CNTN4: variants seen among roughly 807,000 people sequenced by gnomAD.
CNTN4 encodes contactin-4.
CNTN4 carries 77 observed loss-of-function variants against 122.5 expected under a neutral mutation model. The observed-to-expected ratio is 0.63, with a 90% CI of 0.52 to 0.76. The LOEUF (loss-of-function observed/expected upper bound fraction) is 0.76. Ranked by LOEUF, CNTN4 falls within the 30% of genes least tolerant of loss-of-function variation. The pLI, the probability that CNTN4 is intolerant of heterozygous loss-of-function variation, is 0.00. For synonymous variants in CNTN4, 512 were observed against 447.0 expected, an observed-to-expected ratio of 1.15 and a Z score of -1.83; for missense variants, 1,256 against 1,259.1, an observed-to-expected ratio of 1.00 and a Z score of 0.04.
At chr3:2,302,830 T>C (rs1303338030) in intron 2 of CNTN4, among the ~76,000 whole-genome samples, 1 of 151,724 alleles carries the variant, frequency 6.6e-6, no homozygotes, top group Non-Finnish European at 1.5e-5. Flanking sequence ...TTATGTTTTA[T>C]TTGTACCTAG....
intron 3 of CNTN4, among the ~76,000 whole-genome samples, chr3:2,499,629 T>C (rs556340871): frequency 1.3e-5 from 2 of 152,264 alleles, no homozygotes; most frequent in South Asian, 4.1e-4. Flanking sequence ...ACTGTCATGA[T>C]TAAGGTAGCT....
At chr3:2,424,567 T>C (rs942307419) in intron 3 of CNTN4, among the ~76,000 whole-genome samples, 2 of 152,200 alleles carry the variant, frequency 1.3e-5, no homozygotes, top group Non-Finnish European at 2.9e-5. Flanking sequence ...TTATAATCCT[T>C]TGGGTATATA....
chr3:2,312,770 C>T (rs977503958), intron 2 of CNTN4, among the ~76,000 whole-genome samples: 1 of 151,904 alleles, frequency 6.6e-6, no homozygotes, highest in Non-Finnish European at 1.5e-5. Flanking sequence ...GTTGATTGAC[C>T]TAAGATGGGT....
At chr3:2,429,750 T>A (rs1324438242) in intron 3 of CNTN4, among the ~76,000 whole-genome samples, 1 of 152,196 alleles carries the variant, frequency 6.6e-6, no homozygotes. Flanking sequence ...GCTTCCTTGC[T>A]GCTTTGTTTA....
chr3:2,302,857 G>A (rs1200681880), intron 2 of CNTN4, among the ~76,000 whole-genome samples: 9 of 132,478 alleles, frequency 6.8e-5, no homozygotes, highest in Non-Finnish European at 1.1e-4. Context: ...CAAGCACACT[G>A]TATGTGCTTC....
chr3:2,962,392 A>G (rs2125014509), intron 13 of CNTN4, among the ~76,000 whole-genome samples: 1 of 152,368 alleles, frequency 6.6e-6, no homozygotes, highest in South Asian at 2.1e-4. Context: ...TTTGTTCACC[A>G]GGCTAAATGT....
intron 3 of CNTN4, among the ~76,000 whole-genome samples, chr3:2,497,891 G>C (rs1383886009): frequency 6.6e-6 from 1 of 151,880 alleles, no homozygotes; most frequent in East Asian, 1.9e-4. Flanking sequence ...GCACCACATA[G>C]ACCATAAATA....
chr3:2,937,615 T>G (rs2094578247), intron 13 of CNTN4, among the ~76,000 whole-genome samples: 1 of 152,170 alleles, frequency 6.6e-6, no homozygotes, highest in Non-Finnish European at 1.5e-5. Context: ...AGGACTTGGT[T>G]TCTAGAGTTT....
intron 2 of CNTN4, among the ~76,000 whole-genome samples, chr3:2,288,779 A>T (rs1453621310): frequency 2.0e-5 from 3 of 152,144 alleles, no homozygotes; most frequent in African/African-American, 7.2e-5. Flanking sequence ...AAAACAATAC[A>T]AGTTTTGTTT....
intron 4 of CNTN4, among the ~76,000 whole-genome samples, chr3:2,597,731 A>G (rs891806983): frequency 2.0e-5 from 3 of 152,156 alleles, no homozygotes; most frequent in Non-Finnish European, 4.4e-5. Context: ...TCAGGGGAGC[A>G]TAAATGAGAA....
chr3:2,813,531 A>T (rs1165542441), intron 6 of CNTN4, among the ~76,000 whole-genome samples: 1 of 151,880 alleles, frequency 6.6e-6, no homozygotes, highest in Non-Finnish European at 1.5e-5. Flanking sequence ...ATGATGTGTG[A>T]TATTATCTCA....
chr3:2,375,300 A>C (rs1241088277), intron 3 of CNTN4, among the ~76,000 whole-genome samples: 1 of 152,222 alleles, frequency 6.6e-6, no homozygotes, highest in Non-Finnish European at 1.5e-5. Flanking sequence ...CCAAAGTGTC[A>C]TGCTGTTTGT....
At chr3:2,429,688 C>G (rs2047986266) in intron 3 of CNTN4, among the ~76,000 whole-genome samples, 1 of 152,192 alleles carries the variant, frequency 6.6e-6, no homozygotes, top group African/African-American at 2.4e-5. Context: ...GAGTTGGAGT[C>G]TACAGAGGCA....
chr3:2,555,945 A>G (rs987317542), intron 3 of CNTN4, among the ~76,000 whole-genome samples: 5 of 152,120 alleles, frequency 3.3e-5, no homozygotes, highest in Non-Finnish European at 5.9e-5. Context: ...TGGGTAACCT[A>G]TTACCCCAGG....
At position 2,795,953 on chromosome 3, in the gene CNTN4, A is replaced by C. The variant is rs574093631; in HGVS notation, c.359-23533A>C. The stretch of plus-strand genomic sequence containing the variant: ...CATTACACCTAATGTTAATGTGTTC[A>C]TGATTGCAGAAGGTGTAAATAACCA... On this transcript the variant is annotated intron_variant, in intron 6 of 24. Transcript: ENST00000418658. Among the ~76,000 whole-genome samples, 37 of 152,334 alleles carry C rather than the reference A, an allele frequency of 2.4e-4. No individual in the cohort carries two copies. The South Asian group carries it at 7.3e-3, about 30-fold the overall frequency.
intron 2 of CNTN4, among the ~76,000 whole-genome samples, chr3:2,218,412 C>T (rs1438066249): frequency 3.3e-5 from 5 of 152,022 alleles, no homozygotes; most frequent in Non-Finnish European, 7.4e-5. Context: ...CCCAGCTACT[C>T]GGGAGGCTGA....
intron 3 of CNTN4, among the ~76,000 whole-genome samples, chr3:2,468,625 T>G (rs114883855): frequency 0.016 from 2,472 of 152,284 alleles, 50 homozygotes; most frequent in South Asian, 0.066. Context: ...TATTACAGTT[T>G]TTAATTGGAG....
chr3:2,255,117 T>G (rs1455410924), intron 2 of CNTN4, among the ~76,000 whole-genome samples: 1 of 152,242 alleles, frequency 6.6e-6, no homozygotes. Context: ...TAGCCAGTTT[T>G]CCCAACACCA....
At position 2,613,283 on chromosome 3, in the gene CNTN4, A is replaced by G. The variant is rs542381239; in HGVS notation, c.55+41725A>G. The stretch of plus-strand genomic sequence containing the variant: ...CCCAAACTGTTTCTTCTCGCTTCTC[A>G]TTAGCAAAAATGACATCACATAGCC... On this transcript the variant is annotated intron_variant, in intron 4 of 24. Transcript: ENST00000418658. Among the ~76,000 whole-genome samples the G allele has an allele frequency of 1.8e-4, 27 of 152,204 alleles. No individual in the cohort carries two copies. In the South Asian group the frequency reaches 5.0e-3, roughly 28 times the overall value.
Sources: allele counts gnomAD v4.1 joint callset (sites outside exome capture counted in the v4.1 genomes callset), GRCh38; gene constraint gnomAD v4.1.1; transcripts MANE v1.5; gene names NCBI Gene and HGNC (gene_info 2026-07-23, HGNC 2026-07-21).